Variants in EHF observed in about 807,000 individuals in gnomAD.
EHF encodes ESE3 transcription factor.
In EHF, 14 loss-of-function variants were observed where a neutral mutation model predicts 45.1. The ratio of observed to expected loss-of-function variants is 0.31; its 90% CI spans 0.21 to 0.49. The LOEUF is 0.49. Among genes scored for constraint, EHF ranks in the 20% least tolerant of loss-of-function variants. The pLI is 0.99. For missense variants in EHF, 282 were observed against 371.4 expected, an observed-to-expected ratio of 0.76 and a Z score of 1.98; for synonymous variants, 136 against 131.8, an observed-to-expected ratio of 1.03 and a Z score of -0.22.
intron 6 of EHF, among the ~76,000 whole-genome samples, chr11:34,656,133 T>G (rs1855648967): frequency 6.6e-6 from 1 of 152,050 alleles, no homozygotes; most frequent in Non-Finnish European, 1.5e-5. Context: ...TTAGTTTTCT[T>G]TCTGAGAAGA....
intron 5 of EHF, 35 bp from the exon 6 acceptor site, chr11:34,651,702 T>C: frequency 6.2e-7 from 1 of 1,612,156 alleles, no homozygotes; most frequent in East Asian, 2.2e-5. Context: ...GGGGAGGGGG[T>C]GCTCTAAATG....
rs1031486072 is a variant in EHF at position 34,660,751 on chromosome 11, C to A, written c.*1820C>A. 6.6e-6 allele frequency: 1 copy of A among 152,136 alleles called. No individual in the cohort carries two copies. Among genetic ancestry groups the A allele is most frequent in the Non-Finnish European group, 1.5e-5 (1 of 68,020 alleles). The allele number at this position is 152,136 out of a possible 1,614,324, so 9.4% of individuals were successfully genotyped here. Reference sequence around the variant, plus strand: ...ATAATATGCAAATGAAGACATGTATCCATAAGAAGGAGTGCTCTTCATCAA... The same window carrying A: ...ATAATATGCAAATGAAGACATGTATACATAAGAAGGAGTGCTCTTCATCAA... On this transcript the variant is annotated 3_prime_UTR_variant, in exon 9 of 9. Transcript: ENST00000257831.
intron 6 of EHF, among the ~76,000 whole-genome samples, chr11:34,656,406 A>C (rs61881015): frequency 1.6e-4 from 24 of 151,552 alleles, no homozygotes; most frequent in Middle Eastern, 3.4e-3. Context: ...AAAAAAAAAA[A>C]CCACAAATTT....
At chr11:34,625,569 A>G (rs953077106) in intron 1 of EHF, among the ~76,000 whole-genome samples, 3 of 152,232 alleles carry the variant, frequency 2.0e-5, no homozygotes, top group African/African-American at 7.2e-5. Context: ...CCTAACCTGG[A>G]GACCCTGATG....
chr11:34,651,535 T>G lies in EHF; in HGVS notation c.407-7T>G. ...CGCTGACTATTCTCCTTCTCTATTT[T>G]TTGTAGAGCCTTCCATCATGAACAC... On this transcript the variant is annotated splice_region_variant and splice_polypyrimidine_tract_variant and intron_variant, in intron 4 of 8. Coordinates refer to ENST00000257831, the MANE Select transcript of EHF (RefSeq NM_012153.6). 1.9e-6 allele frequency: 3 copies of G among 1,612,540 alleles called. No homozygotes were observed. The highest frequency in any genetic ancestry group is 2.5e-6 in the Non-Finnish European group (3 of 1,178,742).
chr11:34,650,366 G>A (rs1055545796), intron 4 of EHF, among the ~76,000 whole-genome samples: 2 of 152,192 alleles, frequency 1.3e-5, no homozygotes, highest in African/African-American at 4.8e-5. Context: ...AACAACAGGT[G>A]TACAAGGTGA....
intron 1 of EHF, chr11:34,622,424 T>G: frequency 7.8e-7 from 1 of 1,283,650 alleles, no homozygotes; most frequent in Non-Finnish European, 1.0e-6. Context: ...GAGGTAAAGA[T>G]GTGTTGATAG....
chr11:34,645,050 G>A (rs1380269043), intron 2 of EHF, among the ~76,000 whole-genome samples: 2 of 152,014 alleles, frequency 1.3e-5, no homozygotes, highest in African/African-American at 2.4e-5. Context: ...CAGCTTGGTG[G>A]GATGCAATAG....
At chr11:34,649,531 C>T (rs1854930585) in intron 4 of EHF, among the ~76,000 whole-genome samples, 1 of 152,120 alleles carries the variant, frequency 6.6e-6, no homozygotes, top group South Asian at 2.1e-4. Flanking sequence ...TTGTAGTTAA[C>T]AAATTTTTAG....
chr11:34,658,732 A>C lies in EHF; in HGVS notation c.803+4A>C, dbSNP rs1313355995. The C allele has an allele frequency of 2.5e-6, 4 of 1,611,540 alleles. No homozygotes were observed. Among genetic ancestry groups the C allele is most frequent in the Non-Finnish European group, 2.5e-6 (3 of 1,178,948 alleles). On this transcript the variant is annotated splice_donor_region_variant and intron_variant, in intron 8 of 8. Coordinates refer to ENST00000257831, the MANE Select transcript of EHF (RefSeq NM_012153.6). Reference sequence around the variant, plus strand: ...AAAAGCTCAGCCGAGCTATGAGGTGAGGAGTTTCATGTCTCTGAAAACAAA... The same window carrying C: ...AAAAGCTCAGCCGAGCTATGAGGTGCGGAGTTTCATGTCTCTGAAAACAAA...
In EHF at chr11:34,659,116, C is replaced by A; in HGVS notation, c.*185C>A. On this transcript the variant is annotated 3_prime_UTR_variant, in exon 9 of 9. Coordinates refer to ENST00000257831, the MANE Select transcript of EHF (RefSeq NM_012153.6). ...GATTAAAAAAATTATTTTGTTACTTCGAAGTATGTCCTATATGGGGAAAAA... is the reference window on the plus strand; with the variant it reads ...GATTAAAAAAATTATTTTGTTACTTAGAAGTATGTCCTATATGGGGAAAAA... 5.6e-6 allele frequency: 3 copies of A among 533,306 alleles called. No individual in the cohort carries two copies. Among genetic ancestry groups the A allele is most frequent in the Non-Finnish European group, 9.8e-6 (3 of 305,270 alleles). The allele number at this position is 533,306 out of a possible 1,614,324, so 33.0% of individuals were successfully genotyped here. A position where few individuals can be genotyped will look rare whatever the true frequency, so the allele number is the denominator to read the frequency against.
intron 1 of EHF, among the ~76,000 whole-genome samples, chr11:34,624,879 C>A (rs1852234439): frequency 6.6e-6 from 1 of 152,128 alleles, no homozygotes; most frequent in Non-Finnish European, 1.5e-5. Context: ...AGTCTAGGGA[C>A]CTGGTCTAGC....
intron 4 of EHF, 93 bp from the exon 5 acceptor site, chr11:34,651,449 A>G: frequency 9.7e-7 from 1 of 1,027,254 alleles, no homozygotes; most frequent in South Asian, 1.3e-5. Flanking sequence ...CTCACCCCCC[A>G]TACTTTGTTG....
intron 1 of EHF, among the ~76,000 whole-genome samples, chr11:34,629,314 T>C (rs1852663326): frequency 6.6e-6 from 1 of 152,094 alleles, no homozygotes; most frequent in African/African-American, 2.4e-5. Context: ...ATGATTTTAT[T>C]TTACAGAGGG....
intron 6 of EHF, among the ~76,000 whole-genome samples, chr11:34,655,037 G>T (rs1481229573): frequency 1.3e-5 from 2 of 152,104 alleles, no homozygotes; most frequent in Admixed American, 1.3e-4. Context: ...CAGACCTGTC[G>T]CAATATTGTC....
intron 1 of EHF, among the ~76,000 whole-genome samples, chr11:34,631,847 T>C (rs769940391): frequency 6.6e-6 from 1 of 151,696 alleles, no homozygotes; most frequent in African/African-American, 2.4e-5. Context: ...TTTAGAAGAG[T>C]GTGGTTTTGG....
chr11:34,636,395 T>C (rs973075577), intron 1 of EHF, among the ~76,000 whole-genome samples: 3 of 152,184 alleles, frequency 2.0e-5, no homozygotes, highest in Admixed American at 1.3e-4. Context: ...CTCCCAACCA[T>C]GATCCTGCTT....
At chr11:34,630,732 C>T (rs966414564) in intron 1 of EHF, among the ~76,000 whole-genome samples, 5 of 151,972 alleles carry the variant, frequency 3.3e-5, no homozygotes, top group East Asian at 1.9e-4. Context: ...TTCTGCTGCC[C>T]GATTTGGTTC....
chr11:34,626,539 T>C (rs1213492217), intron 1 of EHF, among the ~76,000 whole-genome samples: 1 of 152,216 alleles, frequency 6.6e-6, no homozygotes, highest in African/African-American at 2.4e-5. Flanking sequence ...CATCTAGTCA[T>C]GAGGCTGACT....
Sources: allele counts gnomAD v4.1 joint callset (sites outside exome capture counted in the v4.1 genomes callset), GRCh38; gene constraint gnomAD v4.1.1; transcripts MANE v1.5; gene names NCBI Gene and HGNC (gene_info 2026-07-23, HGNC 2026-07-21).